CDR2L: variants seen among roughly 807,000 people sequenced by gnomAD.
CDR2L encodes cerebellar degeneration related protein 2 like.
In CDR2L, 19 loss-of-function variants were observed where a neutral mutation model predicts 36.1. That is an observed-to-expected ratio of 0.53 (90% CI 0.37 to 0.77). The LOEUF (loss-of-function observed/expected upper bound fraction) is 0.77. Ranked by LOEUF, CDR2L falls within the 30% of genes least tolerant of loss-of-function variation. The pLI, the probability that CDR2L is intolerant of heterozygous loss-of-function variation, is 0.00. For missense variants in CDR2L, 575 were observed against 627.2 expected (o/e 0.92, Z 0.89); for synonymous variants, 285 against 280.4 (o/e 1.02, Z -0.16).
At chr17:74,998,034 C>T (rs554987303) in intron 1 of CDR2L, among the ~76,000 whole-genome samples, 2 of 151,356 alleles carry the variant, frequency 1.3e-5, no homozygotes, top group South Asian at 4.2e-4. Context: ...TCCTGGCTAA[C>T]ACGGTGAAAC....
intron 1 of CDR2L, among the ~76,000 whole-genome samples, chr17:74,996,554 G>A (rs1379046271): frequency 3.9e-5 from 6 of 152,028 alleles, no homozygotes; most frequent in South Asian, 2.1e-4. Context: ...ACACAACTCA[G>A]ACCCACCAAG....
At position 75,003,507 on chromosome 17, in the gene CDR2L, A is replaced by C. The variant is rs1598658834; in HGVS notation, c.831A>C (p.Ala277=). The change falls in exon 5 of 5, where the codon GCA becomes GCC. Residue 277 remains alanine (A), a synonymous_variant. Transcript: ENST00000337231. ...PDDHLAEALL[A]PLTQAPEADD... ...ACCACCTGGCCGAGGCCCTGCTCGC[A>C]CCCCTCACGCAGGCCCCTGAGGCCG... 1.3e-6 allele frequency: 2 copies of C among 1,541,166 alleles called. No homozygotes were observed. The highest frequency in any genetic ancestry group is 1.8e-6 in the Non-Finnish European group (2 of 1,141,836).
At chr17:74,992,299 G>A (rs184167492) in intron 1 of CDR2L, among the ~76,000 whole-genome samples, 1 of 151,858 alleles carries the variant, frequency 6.6e-6, no homozygotes, top group East Asian at 1.9e-4. Flanking sequence ...CCTCCTGAAG[G>A]AGACCCCAGA....
At chr17:74,996,577 G>T (rs1352693399) in intron 1 of CDR2L, among the ~76,000 whole-genome samples, 2 of 151,544 alleles carry the variant, frequency 1.3e-5, no homozygotes, top group African/African-American at 2.4e-5. Flanking sequence ...AATTTTTAGG[G>T]ATTTTAGTAC....
intron 2 of CDR2L, among the ~76,000 whole-genome samples, chr17:75,000,444 C>T (rs897787370): frequency 1.3e-5 from 2 of 150,370 alleles, no homozygotes; most frequent in South Asian, 2.1e-4. Context: ...CTACAGGCGC[C>T]CACCACCGCA....
intron 2 of CDR2L, 67 bp from the exon 3 acceptor site, chr17:75,001,274 G>A (rs2039864884): frequency 1.4e-6 from 2 of 1,451,784 alleles, no homozygotes; most frequent in East Asian, 4.8e-5. Context: ...AGAAGTAGGA[G>A]GGTCTAGGCA....
intron 1 of CDR2L, among the ~76,000 whole-genome samples, chr17:74,990,988 T>C (rs1316536798): frequency 6.6e-6 from 1 of 152,234 alleles, no homozygotes; most frequent in Non-Finnish European, 1.5e-5. Flanking sequence ...TTCCAGAAGC[T>C]TGACTGTAGA....
rs1445269636 is a variant in CDR2L, at chr17:74,989,028, G to T, written c.79+906G>T. Among the ~76,000 whole-genome samples, 2 of 152,016 alleles carry T rather than the reference G, an allele frequency of 1.3e-5. No homozygotes were observed. Among genetic ancestry groups the T allele is most frequent in the African/African-American group, 4.8e-5 (2 of 41,296 alleles). On this transcript the variant is annotated intron_variant, in intron 1 of 4. Transcript: ENST00000337231. The surrounding 1 kb of genome is among the most constrained non-coding windows in gnomAD (Gnocchi z 4.2). Reference sequence around the variant, plus strand: ...TCTTGGATGGTGAGAGCTGGAAGGGGCGAGGAAACATGTCCAGGGAGAAGT... The same window carrying T: ...TCTTGGATGGTGAGAGCTGGAAGGGTCGAGGAAACATGTCCAGGGAGAAGT...
At position 75,004,299 on chromosome 17, in the gene CDR2L, T is replaced by C; in HGVS notation, c.*225T>C. 1 of 513,236 alleles carries C rather than the reference T, an allele frequency of 1.9e-6. No homozygotes were observed. The highest frequency in any genetic ancestry group is 3.3e-5 in the East Asian group (1 of 30,580). 31.8% of individuals were successfully genotyped at this position (513,236 alleles called of 1,614,324 possible). On this transcript the variant is annotated 3_prime_UTR_variant, in exon 5 of 5. Transcript: ENST00000337231. ...TCGCGCCAGCCCAAAGGCGCAGCTCTGAGTTCAAAGCCAAATGTCCCCACT... is the reference window on the plus strand; with the variant it reads ...TCGCGCCAGCCCAAAGGCGCAGCTCCGAGTTCAAAGCCAAATGTCCCCACT...
In CDR2L at chr17:75,005,630, T is replaced by A. The variant is rs2039899035; in HGVS notation, c.*1556T>A. On this transcript the variant is annotated 3_prime_UTR_variant, in exon 5 of 5. Coordinates refer to ENST00000337231, the MANE Select transcript of CDR2L (RefSeq NM_014603.3). This position sits in a 1 kb window ranked among gnomAD's most constrained non-coding sequence, Gnocchi z 4.2. ...CCCTGCCCTCCGTGTGTGTCTGTTA[T>A]CTGGGGGAGAGGAGTGTGGAAGGGT... The A allele has an allele frequency of 6.5e-6, 1 of 152,872 alleles. No homozygotes were observed. The highest frequency in any genetic ancestry group is 6.5e-5 in the Admixed American group (1 of 15,286). 9.5% of individuals were successfully genotyped at this position (152,872 alleles called of 1,614,324 possible). A position where few individuals can be genotyped will look rare whatever the true frequency, so the allele number is the denominator to read the frequency against.
intron 1 of CDR2L, 45 bp from the exon 2 acceptor site, chr17:74,999,459 G>C: frequency 7.6e-7 from 1 of 1,310,054 alleles, no homozygotes; most frequent in East Asian, 2.5e-5. Context: ...ACATGAATGG[G>C]CGTCCTCTGC....
intron 1 of CDR2L, among the ~76,000 whole-genome samples, chr17:74,990,203 G>T (rs2039788374): frequency 6.6e-6 from 1 of 152,214 alleles, no homozygotes; most frequent in African/African-American, 2.4e-5. Flanking sequence ...GACTCCAGCT[G>T]CGCTGGGTGG....
chr17:74,994,640 T>C (rs2039814553), intron 1 of CDR2L, among the ~76,000 whole-genome samples: 4 of 152,152 alleles, frequency 2.6e-5, no homozygotes, highest in African/African-American at 9.7e-5. Flanking sequence ...GATAGGGTCT[T>C]GCTTTGTCTC....
In CDR2L at chr17:75,005,742, T is replaced by C. The variant is rs1050037923; in HGVS notation, c.*1668T>C. On this transcript the variant is annotated 3_prime_UTR_variant, in exon 5 of 5. Transcript: ENST00000337231. This position sits in a 1 kb window ranked among gnomAD's most constrained non-coding sequence, Gnocchi z 4.2. ...TGAAGTATACGTGAGAGAAATATATTTACAAATGCTTTATTCTCTTCTTTA... is the reference window on the plus strand; with the variant it reads ...TGAAGTATACGTGAGAGAAATATATCTACAAATGCTTTATTCTCTTCTTTA... 2 of 152,614 alleles carry C rather than the reference T, an allele frequency of 1.3e-5. No individual in the cohort carries two copies. The highest frequency in any genetic ancestry group is 4.8e-5 in the African/African-American group (2 of 41,440). 9.5% of individuals were successfully genotyped at this position (152,614 alleles called of 1,614,324 possible). A position where few individuals can be genotyped will look rare whatever the true frequency, so the allele number is the denominator to read the frequency against.
intron 1 of CDR2L, among the ~76,000 whole-genome samples, chr17:74,991,387 C>T (rs1282087841): frequency 8.6e-6 from 1 of 115,882 alleles, no homozygotes; most frequent in Non-Finnish European, 1.7e-5. Context: ...GCCTGGGCAA[C>T]AAGAGCAAAC....
Position 75,003,644 on chromosome 17 carries a change from A to G in CDR2L, c.968A>G (p.Asn323Ser). The G allele has an allele frequency of 6.8e-7, 1 of 1,461,150 alleles. No homozygotes were observed. 90.5% of individuals were successfully genotyped at this position (1,461,150 alleles called of 1,614,324 possible). ...VRKSCSDTALNAIVAKDPASR... is the reference protein window; with the variant it reads ...VRKSCSDTALSAIVAKDPASR... ...AAGAGCTGCAGCGACACTGCGCTCA[A>G]CGCCATCGTGGCCAAAGACCCAGCC... The change falls in exon 5 of 5, where the codon AAC becomes AGC. Residue 323 changes from asparagine to serine, a missense_variant. Transcript: ENST00000337231.
In CDR2L at chr17:75,002,060, C is replaced by G; in HGVS notation, c.342-4C>G. On this transcript the variant is annotated splice_region_variant and splice_polypyrimidine_tract_variant and intron_variant, in intron 3 of 4. Coordinates refer to ENST00000337231, the MANE Select transcript of CDR2L (RefSeq NM_014603.3). The surrounding 1 kb of genome is among the most constrained non-coding windows in gnomAD (Gnocchi z 4.1). ...TCCCTGTGTGTCCACCACCCCGCCCCCAGGCTGACGGAGACCATTGAGCGC... is the reference window on the plus strand; with the variant it reads ...TCCCTGTGTGTCCACCACCCCGCCCGCAGGCTGACGGAGACCATTGAGCGC... 4 of 1,575,168 alleles carry G rather than the reference C, an allele frequency of 2.5e-6. No homozygotes were observed. Among genetic ancestry groups the G allele is most frequent in the Non-Finnish European group, 3.4e-6 (4 of 1,164,502 alleles).
chr17:75,000,848 G>A (rs559438316), intron 2 of CDR2L, among the ~76,000 whole-genome samples: 4 of 150,152 alleles, frequency 2.7e-5, no homozygotes, highest in African/African-American at 4.9e-5. Flanking sequence ...AACCCAAGAG[G>A]TGGAGCTTGC....
rs1182083883 is a variant in CDR2L, at chr17:75,004,633, C to A, written c.*559C>A. 6.5e-6 allele frequency: 1 copy of A among 154,234 alleles called. No homozygotes were observed. Among genetic ancestry groups the A allele is most frequent in the East Asian group, 1.9e-4 (1 of 5,200 alleles). The allele number at this position is 154,234 out of a possible 1,614,324, so 9.6% of individuals were successfully genotyped here. Reference sequence around the variant, plus strand: ...AGCTGTCCCACCTCCAGGGTCCTGACCAGGTCAGAGATGTCCCCTGCCATG... The same window carrying A: ...AGCTGTCCCACCTCCAGGGTCCTGAACAGGTCAGAGATGTCCCCTGCCATG... On this transcript the variant is annotated 3_prime_UTR_variant, in exon 5 of 5. Transcript: ENST00000337231.
Sources: gnomAD v4.1 joint callset for allele counts (sites outside exome capture counted in the v4.1 genomes callset) on GRCh38, gnomAD v4.1.1 for gene constraint, Gnocchi (gnomAD v3.1) non-coding constraint, MANE v1.5 for transcripts, NCBI Gene and HGNC (gene_info 2026-07-23, HGNC 2026-07-21) for gene names.